ZMYND11: variants seen among roughly 807,000 people sequenced by gnomAD.
ZMYND11 encodes the protein zinc finger MYND-type containing 11, also known as zinc finger MYND domain-containing protein 11.
In ZMYND11, 9 loss-of-function variants were observed where a neutral mutation model predicts 84.9. The observed-to-expected ratio is 0.11, with a 90% confidence interval of 0.06 to 0.18. ZMYND11 has a LOEUF of 0.18. Among genes scored for constraint, ZMYND11 ranks in the 10% least tolerant of loss-of-function variants. The pLI is 1.00. For synonymous variants in ZMYND11, 250 were observed against 244.1 expected (o/e 1.02, Z -0.23); for missense variants, 409 against 761.0 (o/e 0.54, Z 5.44).
At chr10:246,121 C>CTAAAA (rs1251174455) in intron 10 of ZMYND11, among the ~76,000 whole-genome samples, 32 of 152,170 alleles carry the variant, frequency 2.1e-4, no homozygotes, top group Non-Finnish European at 4.4e-4. Flanking sequence ...ATGTAGTTGT[C>CTAAAA]CTGCTCTAGT....
intron 4 of ZMYND11, among the ~76,000 whole-genome samples, chr10:236,291 G>C (rs1375410458): frequency 6.6e-6 from 1 of 152,208 alleles, no homozygotes. Context: ...ATAAATTGAG[G>C]AACCTAATTA....
At chr10:238,919 GAC>G (rs1950435682) in intron 6 of ZMYND11, among the ~76,000 whole-genome samples, 1 of 152,140 alleles carries the variant, frequency 6.6e-6, no homozygotes, top group Non-Finnish European at 1.5e-5. Flanking sequence ...ATTTGTCACA[GAC>G]AGGGACACCT....
At chr10:244,881 C>T (rs939772680) in intron 10 of ZMYND11, among the ~76,000 whole-genome samples, 4 of 152,144 alleles carry the variant, frequency 2.6e-5, no homozygotes, top group Non-Finnish European at 5.9e-5. Context: ...GATGTGAATC[C>T]ACTTTATTTA....
At chr10:160,210 A>C (rs938242357) in intron 1 of ZMYND11, among the ~76,000 whole-genome samples, 1 of 152,252 alleles carries the variant, frequency 6.6e-6, no homozygotes, top group South Asian at 2.1e-4. Flanking sequence ...GAGTTACACA[A>C]ATTTTTTTGG....
intron 14 of ZMYND11, among the ~76,000 whole-genome samples, chr10:251,011 A>G (rs1300695651): frequency 6.6e-6 from 1 of 152,244 alleles, no homozygotes; most frequent in Non-Finnish European, 1.5e-5. Context: ...CGACAGAGCG[A>G]GACTCACTCT....
rs374894318 is a variant in ZMYND11 at position 206,110 on chromosome 10, G to A, written c.117-3779G>A. 4.5e-4 allele frequency among the ~76,000 whole-genome samples: 68 copies of A among 150,946 alleles called. No individual in the cohort carries two copies. The South Asian group carries it at 9.9e-3, about 22-fold the overall frequency. On this transcript the variant is annotated intron_variant, in intron 2 of 14. Coordinates refer to ENST00000381604, the MANE Select transcript of ZMYND11 (RefSeq NM_001370100.5). ...CGCGGTGGCTCACGCCTGTAATCCC[G>A]GCACTTTGGGAGGCCGAGGCGGGTG...
At chr10:142,499 A>G (rs1329589979) in intron 1 of ZMYND11, among the ~76,000 whole-genome samples, 5 of 152,206 alleles carry the variant, frequency 3.3e-5, no homozygotes, top group Non-Finnish European at 2.9e-5. Flanking sequence ...GTAACAATTT[A>G]TAATGAGGGA....
intron 4 of ZMYND11, among the ~76,000 whole-genome samples, chr10:236,527 G>A (rs1472667656): frequency 6.6e-6 from 1 of 152,128 alleles, no homozygotes; most frequent in Non-Finnish European, 1.5e-5. Context: ...TAAAATAAGC[G>A]ATTATCCCTT....
chr10:149,285 GTTATTATTATTATTATTATTA>G (rs61508487), intron 1 of ZMYND11, among the ~76,000 whole-genome samples: 2 of 139,316 alleles, frequency 1.4e-5, no homozygotes, highest in South Asian at 2.4e-4. Flanking sequence ...TGAGGTGGTT[GTTATTATTATTATTATTATTA>G]TTATTATTAT....
chr10:172,576 C>T (rs562861147), intron 1 of ZMYND11, among the ~76,000 whole-genome samples: 9 of 152,168 alleles, frequency 5.9e-5, no homozygotes, highest in African/African-American at 2.2e-4. Context: ...AGGAAGACTG[C>T]AGAGCTCTGA....
At chr10:136,287 T>A (rs1554752148) in intron 1 of ZMYND11, among the ~76,000 whole-genome samples, 3 of 152,096 alleles carry the variant, frequency 2.0e-5, no homozygotes, top group Admixed American at 1.3e-4. Context: ...CTCCTCGCGC[T>A]TTTCTCCCGA....
chr10:250,654 G>A (rs548525072), intron 14 of ZMYND11, among the ~76,000 whole-genome samples: 2 of 152,188 alleles, frequency 1.3e-5, no homozygotes, highest in Non-Finnish European at 2.9e-5. Flanking sequence ...TGAAGAATTT[G>A]AGGCTTATGA....
Position 202,646 on chromosome 10 carries a change from C to G in ZMYND11, c.117-7243C>G, listed in dbSNP as rs192039798. Among the ~76,000 whole-genome samples, 29 of 152,260 alleles carry G rather than the reference C, an allele frequency of 1.9e-4. 1 individual carries two copies. Among genetic ancestry groups the G allele is most frequent in the Admixed American group, 2.0e-4 (3 of 15,292 alleles). On this transcript the variant is annotated intron_variant, in intron 2 of 14. Transcript: ENST00000381604. ...TCGTGTGTGCTAGTTGCGACTCATC[C>G]TTCAGCCATACTCTCTCCTGACCTT...
chr10:204,775 C>T (rs1943837758), intron 2 of ZMYND11, among the ~76,000 whole-genome samples: 1 of 151,974 alleles, frequency 6.6e-6, no homozygotes, highest in South Asian at 2.1e-4. Context: ...TATTTTTGAC[C>T]TGTTAATGGA....
intron 1 of ZMYND11, among the ~76,000 whole-genome samples, chr10:145,260 GTATA>G (rs4011577): frequency 1.3e-5 from 2 of 149,892 alleles, no homozygotes; most frequent in Middle Eastern, 3.3e-3. Context: ...ATATATATAT[GTATA>G]TATATATCAC....
chr10:221,197 C>T lies in ZMYND11; in HGVS notation c.279C>T (p.Asp93=). Residue 93 remains aspartate (D), a splice_region_variant and synonymous_variant, in exon 4 of 15, where the codon GAC becomes GAT. Transcript: ENST00000381604. The part of the protein sequence containing the change: ...EGYWLPGDEI[D]WETENHDWYC... ...AACTATTTTGTACTTTTTTGTAGGA[C>T]TGGGAAACAGAAAATCATGACTGGT... 1 of 1,613,064 alleles carries T rather than the reference C, an allele frequency of 6.2e-7. No individual in the cohort carries two copies. Among genetic ancestry groups the T allele is most frequent in the Non-Finnish European group, 8.5e-7 (1 of 1,179,456 alleles).
intron 14 of ZMYND11, among the ~76,000 whole-genome samples, chr10:251,018 C>G (rs1031519552): frequency 1.3e-5 from 2 of 152,204 alleles, no homozygotes; most frequent in African/African-American, 4.8e-5. Context: ...GCGAGACTCA[C>G]TCTCAAAGAA....
Position 187,417 on chromosome 10 carries a change from A to G in ZMYND11, c.116+7289A>G, listed in dbSNP as rs540514170. Among the ~76,000 whole-genome samples the G allele has an allele frequency of 1.7e-4, 26 of 151,872 alleles. No individual in the cohort carries two copies. In the East Asian group the frequency reaches 2.5e-3, roughly 15 times the overall value. ...TGGGAGGCCGAGGCGGGCGGATCAC[A>G]AGGTCAGGAGATCGAGACCATCTTG... On this transcript the variant is annotated intron_variant, in intron 2 of 14. Transcript: ENST00000381604.
intron 3 of ZMYND11, among the ~76,000 whole-genome samples, chr10:220,779 A>G (rs535331819): frequency 6.6e-6 from 1 of 150,404 alleles, no homozygotes; most frequent in African/African-American, 2.4e-5. Context: ...ACAGTGTGTC[A>G]AGGACTGTTA....
Sources: allele counts gnomAD v4.1 joint callset (sites outside exome capture counted in the v4.1 genomes callset), GRCh38; gene constraint gnomAD v4.1.1; transcripts MANE v1.5; gene names NCBI Gene and HGNC (gene_info 2026-07-23, HGNC 2026-07-21).